The following DGKQ variants were observed in gnomAD, a reference collection of about 807,000 sequenced individuals.
The protein encoded by DGKQ is DAG kinase theta.
Under a neutral mutation model 104.2 loss-of-function variants are expected in DGKQ, and 97 were observed. The ratio of observed to expected loss-of-function variants is 0.93; its 90% CI spans 0.79 to 1.10. The LOEUF (loss-of-function observed/expected upper bound fraction) is 1.10. Ranked by LOEUF, DGKQ falls within the 50% of genes least tolerant of loss-of-function variation. DGKQ has a pLI of 0.00. For missense variants in DGKQ, 1,465 were observed against 1,352.1 expected, an observed-to-expected ratio of 1.08 and a Z score of -1.31; for synonymous variants, 736 against 595.2, an observed-to-expected ratio of 1.24 and a Z score of -3.44.
intron 15 of DGKQ, among the ~76,000 whole-genome samples, chr4:964,938 C>T (rs886641022): frequency 2.6e-5 from 4 of 152,182 alleles, no homozygotes; most frequent in Non-Finnish European, 4.4e-5. Flanking sequence ...TACTGGGCAG[C>T]CTCGGATGAG....
chr4:962,483 G>A lies in DGKQ; in HGVS notation c.2166C>T (p.His722=), dbSNP rs1008627707. 22 of 1,607,316 alleles carry A rather than the reference G, an allele frequency of 1.4e-5. No homozygotes were observed. The East Asian group carries it at 1.8e-4, about 13-fold the overall frequency. Residue 722 remains histidine, a synonymous_variant, in exon 18 of 23, where the codon CAC becomes CAT. Coordinates refer to ENST00000273814, the MANE Select transcript of DGKQ (RefSeq NM_001347.4). ...MDRWTILLDA[H]EAGSAENDTA... ...TGTCGTTCTCTGCACTGCCAGCCTC[G>A]TGGGCATCCAGCAGGATGGTCCAGC...
rs1713094727 is a variant in DGKQ, at chr4:973,367, G to A, written c.116C>T (p.Pro39Leu). The change falls in exon 1 of 23, where the codon CCG (proline) becomes CTG (leucine). Residue 39 changes from proline to leucine, a missense_variant. Physicochemically the swap from Pro to Leu is moderately conservative, Grantham distance 98. Coordinates refer to ENST00000273814, the MANE Select transcript of DGKQ (RefSeq NM_001347.4). ...CCGCTCGGGTCCCGGCCCCGGCCCC[G>A]GCCCCGGGCGCGCGCGGCCTCCTGA... ...LGSGGRARPG[P>L]GPGPGPERAG... 8.6e-7 allele frequency: 1 copy of A among 1,169,082 alleles called. No homozygotes were observed. The highest frequency in any genetic ancestry group is 1.1e-6 in the Non-Finnish European group (1 of 948,420). 72.4% of individuals were successfully genotyped at this position (1,169,082 alleles called of 1,614,324 possible).
intron 22 of DGKQ, 43 bp downstream of exon 22, chr4:961,006 G>C (rs1321882982): frequency 6.2e-7 from 1 of 1,604,152 alleles, no homozygotes; most frequent in African/African-American, 1.3e-5. Context: ...GGCCGGCCCA[G>C]CCCGGCCCAC....
chr4:962,943 C>T (rs549810864), intron 16 of DGKQ, 23 bp from the exon 17 acceptor site: 6 of 1,597,674 alleles, frequency 3.8e-6, no homozygotes, highest in South Asian at 1.1e-5. Context: ...AGGAAGTGTC[C>T]TCTACCAGCT....
intron 15 of DGKQ, chr4:963,943 G>A (rs1712087804): frequency 1.3e-5 from 2 of 153,540 alleles, no homozygotes; most frequent in South Asian, 2.0e-4. Context: ...CTGGGCAACA[G>A]GAGACACACA....
In DGKQ at chr4:960,523, C is replaced by G; in HGVS notation, c.*97G>C. The G allele has an allele frequency of 8.8e-7, 1 of 1,134,838 alleles. No individual in the cohort carries two copies. The highest frequency in any genetic ancestry group is 2.4e-5 in the East Asian group (1 of 42,080). 70.3% of individuals were successfully genotyped at this position (1,134,838 alleles called of 1,614,324 possible). A position where few individuals can be genotyped will look rare whatever the true frequency, so the allele number is the denominator to read the frequency against. ...CTGTAGCCAGGTCCGACCACAGGGCCGGCCACTGTGTGGACGTGGAGCTGC... is the reference window on the plus strand; with the variant it reads ...CTGTAGCCAGGTCCGACCACAGGGCGGGCCACTGTGTGGACGTGGAGCTGC... On this transcript the variant is annotated 3_prime_UTR_variant, in exon 23 of 23. Transcript: ENST00000273814.
In DGKQ at chr4:970,980, G is replaced by A. The variant is rs772048793; in HGVS notation, c.351+13C>T. Reference sequence around the variant, plus strand: ...CAGCCTCTTGCAGGTGCAACACCCAGCCCCACACTCACCCGGACCAGGCTG... The same window carrying A: ...CAGCCTCTTGCAGGTGCAACACCCAACCCCACACTCACCCGGACCAGGCTG... On this transcript the variant is annotated intron_variant, in intron 2 of 22. Coordinates refer to ENST00000273814, the MANE Select transcript of DGKQ (RefSeq NM_001347.4). The A allele has an allele frequency of 5.8e-6, 9 of 1,547,260 alleles. No individual in the cohort carries two copies. The highest frequency in any genetic ancestry group is 1.4e-5 in the African/African-American group (1 of 73,088).
intron 15 of DGKQ, among the ~76,000 whole-genome samples, chr4:963,637 CGTGGCACTCTGT>C (rs996604269): frequency 6.6e-6 from 1 of 152,252 alleles, no homozygotes; most frequent in African/African-American, 2.4e-5. Flanking sequence ...TGGGACTCTG[CGTGGCACTCTGT>C]GCCAGCGAGA....
In DGKQ at chr4:962,541, G is replaced by A; in HGVS notation, c.2108C>T (p.Ser703Phe). ...SGEDPFSVLLSVDEADAVLMD... is the reference protein window; with the variant it reads ...SGEDPFSVLLFVDEADAVLMD... Reference sequence around the variant, plus strand: ...GAGCACGGCGTCGGCCTCGTCCACAGACAGCAGTACGGAGAACGGGTCCTC... The same window carrying A: ...GAGCACGGCGTCGGCCTCGTCCACAAACAGCAGTACGGAGAACGGGTCCTC... Residue 703 changes from serine to phenylalanine, a missense_variant, in exon 18 of 23, where the codon TCT becomes TTT. Coordinates refer to ENST00000273814, the MANE Select transcript of DGKQ (RefSeq NM_001347.4). 6.2e-7 allele frequency: 1 copy of A among 1,610,472 alleles called. No homozygotes were observed. The highest frequency in any genetic ancestry group is 1.3e-5 in the African/African-American group (1 of 75,056).
Position 962,050 on chromosome 4 carries a change from G to A in DGKQ, c.2247C>T (p.Gly749=), listed in dbSNP as rs1430527074. ...AGTCCAGGCTCAGCTCCGCGTCGATGCCAATGCCACAGTAGTTACTCATCT... is the reference window on the plus strand; with the variant it reads ...AGTCCAGGCTCAGCTCCGCGTCGATACCAATGCCACAGTAGTTACTCATCT... ...IVQMSNYCGI[G]IDAELSLDFH... is the part of the protein sequence containing the mutation. The change falls in exon 19 of 23, where the codon GGC becomes GGT. Residue 749 remains glycine (G), a synonymous_variant. Transcript: ENST00000273814. 3 of 1,612,632 alleles carry A rather than the reference G, an allele frequency of 1.9e-6. No homozygotes were observed. The highest frequency in any genetic ancestry group is 2.5e-6 in the Non-Finnish European group (3 of 1,179,956).
In DGKQ at chr4:967,749, T is replaced by C; in HGVS notation, c.865A>G (p.Thr289Ala). ...TTACCGGACTCCGGAGTTGCCTGTG[T>C]CTCTCTGCCTGGACCCACGGCAGCG... ...GSAAVGPGRE[T>A]QATPESGKQT... Residue 289 changes from threonine (T) to alanine (A), a missense_variant, in exon 7 of 23, where the codon ACA (threonine) becomes GCA (alanine). Transcript: ENST00000273814. 1 of 1,610,602 alleles carries C rather than the reference T, an allele frequency of 6.2e-7. No homozygotes were observed. The highest frequency in any genetic ancestry group is 8.5e-7 in the Non-Finnish European group (1 of 1,178,974).
intron 10 of DGKQ, 24 bp from the exon 11 acceptor site, chr4:966,826 G>A (rs752623973): frequency 5.6e-6 from 9 of 1,602,770 alleles, no homozygotes; most frequent in Non-Finnish European, 5.1e-6. Flanking sequence ...GCTTGGCATC[G>A]GGTCTGGGCA....
chr4:973,089 C>G, intron 1 of DGKQ, 123 bp downstream of exon 1: 2 of 1,277,022 alleles, frequency 1.6e-6, no homozygotes, highest in Non-Finnish European at 2.0e-6. Context: ...GCACGTCCCG[C>G]GAGCAGGGCT....
chr4:967,784 G>GCGCCGT lies in DGKQ; in HGVS notation c.824_829dup (p.Asp275_Gly276dup), dbSNP rs766120029. The stretch of plus-strand genomic sequence containing the variant: ...TGGACCCACGGCAGCGCTCCCGTCG[G>GCGCCGT]CGCCGTCGCCCCCCTCGCCTGCGGG... On this transcript the variant is annotated inframe_insertion, in exon 7 of 23. Transcript: ENST00000273814. 4 of 1,604,820 alleles carry GCGCCGT rather than the reference G, an allele frequency of 2.5e-6. No homozygotes were observed. The Admixed American group carries it at 5.1e-5, about 20-fold the overall frequency.
At position 973,322 on chromosome 4, in the gene DGKQ, C is replaced by T; in HGVS notation, c.161G>A (p.Gly54Asp). 1.4e-6 allele frequency: 2 copies of T among 1,450,238 alleles called. No individual in the cohort carries two copies. Among genetic ancestry groups the T allele is most frequent in the Non-Finnish European group, 1.8e-6 (2 of 1,096,188 alleles). 89.8% of individuals were successfully genotyped at this position (1,450,238 alleles called of 1,614,324 possible). Residue 54 changes from glycine (G) to aspartate (D), a missense_variant, in exon 1 of 23, where the codon GGC (glycine) becomes GAC (aspartate). By Grantham distance (94) the Gly-to-Asp change is moderately conservative (BLOSUM62 -1). Coordinates refer to ENST00000273814, the MANE Select transcript of DGKQ (RefSeq NM_001347.4). ...GCTGTGTCCCGGCGCGGCAGCGGGGCCCGGGGCTCTGACGCCCGCCCGCTC... is the reference window on the plus strand; with the variant it reads ...GCTGTGTCCCGGCGCGGCAGCGGGGTCCGGGGCTCTGACGCCCGCCCGCTC... ...GPERAGVRAP[G>D]PAAAPGHSFR...
chr4:965,412 C>A, intron 14 of DGKQ, 79 bp downstream of exon 14: 1 of 1,555,712 alleles, frequency 6.4e-7, no homozygotes, highest in South Asian at 1.1e-5. Context: ...TCAGGTGCTA[C>A]GTGAGGGCCA....
At chr4:965,039 A>T in intron 15 of DGKQ, 137 bp downstream of exon 15, 1 of 672,398 alleles carries the variant, frequency 1.5e-6, no homozygotes, top group South Asian at 1.8e-5. Context: ...GGCACCTACA[A>T]GCCCCCAGTG....
rs112411766 is a variant in DGKQ at position 963,493 on chromosome 4, G to A, written c.1735-203C>T. 9.8e-5 allele frequency among the ~76,000 whole-genome samples: 15 copies of A among 152,342 alleles called. 1 individual carries two copies. The highest frequency in any genetic ancestry group is 3.6e-4 in the African/African-American group (15 of 41,586). Reference sequence around the variant, plus strand: ...CACCCCATCTCGCTGCTGGCCAGCAGGGCGGCACTGAGGACAGCCGGCTGG... The same window carrying A: ...CACCCCATCTCGCTGCTGGCCAGCAAGGCGGCACTGAGGACAGCCGGCTGG... On this transcript the variant is annotated intron_variant, in intron 15 of 22. Transcript: ENST00000273814.
In DGKQ at chr4:962,437, TG is replaced by T; in HGVS notation, c.2211del (p.Lys738ArgfsTer5). ...AENDTADAEP[P>X]KIVQMSNYCG... is the part of the protein sequence containing the mutation. ...CCCCACGCCGGGCTGCCCTGTACCT[TG>T]GGGGGCTCTGCGTCTGCCGTGTCGT... is the stretch of plus-strand genomic sequence containing the variant. On this transcript the variant is annotated frameshift_variant, in exon 18 of 23. Transcript: ENST00000273814. LOFTEE classifies it high-confidence loss of function. The T allele has an allele frequency of 6.4e-7, 1 of 1,572,280 alleles. No individual in the cohort carries two copies. The highest frequency in any genetic ancestry group is 8.6e-7 in the Non-Finnish European group (1 of 1,164,368).
Sources: allele counts gnomAD v4.1 joint callset (sites outside exome capture counted in the v4.1 genomes callset), GRCh38; gene constraint gnomAD v4.1.1; transcripts MANE v1.5; gene names NCBI Gene and HGNC (gene_info 2026-07-23, HGNC 2026-07-21).